The following LRRFIP1 variants were observed in gnomAD, a reference collection of about 807,000 sequenced individuals.
LRRFIP1 encodes the protein LRR binding FLII interacting protein 1.
Under a neutral mutation model 104.4 loss-of-function variants are expected in LRRFIP1, and 62 were observed. The observed-to-expected ratio is 0.59, with a 90% CI of 0.48 to 0.73. The LOEUF is 0.73. LRRFIP1 is among the 30% of genes least tolerant of loss of function. LRRFIP1 has a pLI of 0.00. For synonymous variants in LRRFIP1, 300 were observed against 299.0 expected (o/e 1.00, Z -0.03); for missense variants, 796 against 824.5 (o/e 0.97, Z 0.42).
At chr2:237,774,225 A>G in intron 22 of LRRFIP1, 133 bp from the exon 23 acceptor site, 1 of 641,266 alleles carries the variant, frequency 1.6e-6, no homozygotes, top group Non-Finnish European at 2.8e-6. Context: ...ACCATAGTCC[A>G]AAATGTTATA....
At chr2:237,733,203 C>T (rs572745416) in intron 8 of LRRFIP1, among the ~76,000 whole-genome samples, 20 of 152,328 alleles carry the variant, frequency 1.3e-4, no homozygotes, top group African/African-American at 4.1e-4. Flanking sequence ...CTCCCCCTGA[C>T]GTGTGTGCTA....
intron 20 of LRRFIP1, among the ~76,000 whole-genome samples, chr2:237,771,538 G>A (rs1407198061): frequency 6.9e-6 from 1 of 145,810 alleles, no homozygotes; most frequent in Non-Finnish European, 1.5e-5. Flanking sequence ...TGTCTGAGGG[G>A]TCCTGGAACC....
At chr2:237,658,866 G>A (rs1364703726) in intron 1 of LRRFIP1, among the ~76,000 whole-genome samples, 9 of 152,150 alleles carry the variant, frequency 5.9e-5, no homozygotes, top group Non-Finnish European at 1.2e-4. Context: ...GATGAGATTT[G>A]GGTGGGGACA....
rs3739037 is a variant in LRRFIP1 at position 237,766,361 on chromosome 2, G to C, written c.1460-3582G>C. 0.044 allele frequency among the ~76,000 whole-genome samples: 6,762 copies of C among 152,150 alleles called. 390 individuals carry two copies. The highest frequency in any genetic ancestry group is 0.14 in the African/African-American group (5,665 of 41,472). On this transcript the variant is annotated intron_variant, in intron 19 of 23. Coordinates refer to ENST00000308482, the MANE Select transcript of LRRFIP1 (RefSeq NM_001137550.2). This position sits in a 1 kb window ranked among gnomAD's most constrained non-coding sequence, Gnocchi z 4.8. ...CAAGGGCTCTATAGGACTTCACAGG[G>C]TTTTAGTTTATGTCTCTAACTTTAG...
intron 1 of LRRFIP1, among the ~76,000 whole-genome samples, chr2:237,680,982 A>G (rs974991178): frequency 2.6e-5 from 4 of 152,224 alleles, no homozygotes; most frequent in Admixed American, 6.5e-5. Flanking sequence ...CCCTGTGTCA[A>G]AAACAACAAC....
intron 1 of LRRFIP1, among the ~76,000 whole-genome samples, chr2:237,640,128 TG>T (rs1293491560): frequency 6.6e-6 from 1 of 152,186 alleles, no homozygotes; most frequent in African/African-American, 2.4e-5. Context: ...ATTACATTCT[TG>T]GCGTTTCCTG....
intron 1 of LRRFIP1, among the ~76,000 whole-genome samples, chr2:237,671,372 T>C (rs1167420457): frequency 6.6e-6 from 1 of 152,184 alleles, no homozygotes; most frequent in African/African-American, 2.4e-5. Flanking sequence ...ATCCCACAAA[T>C]GCTAATTTGC....
chr2:237,754,268 G>A (rs1004263803), intron 15 of LRRFIP1, among the ~76,000 whole-genome samples: 3 of 152,192 alleles, frequency 2.0e-5, no homozygotes, highest in Admixed American at 6.5e-5. Context: ...AAAAGACACA[G>A]TTACTCTACT....
chr2:237,723,516 G>GT (rs139854949), intron 6 of LRRFIP1, 32 bp from the exon 7 acceptor site: 75,670 of 987,354 alleles, frequency 0.077, no homozygotes, highest in South Asian at 0.098. Context: ...CTTTGCTGTT[G>GT]TTTTTTTTTT....
intron 6 of LRRFIP1, among the ~76,000 whole-genome samples, chr2:237,723,141 G>A (rs1483621761): frequency 6.6e-6 from 1 of 152,114 alleles, no homozygotes; most frequent in East Asian, 1.9e-4. Context: ...AGAAAGTCTA[G>A]ATTTTGGATT....
chr2:237,767,175 C>CA lies in LRRFIP1; in HGVS notation c.1460-2759dup, dbSNP rs559639853. ...TGGGTGATGGAGTGAAACCCTGTCT[C>CA]AAAAAAAAAGAAAGAAAAGAAAAAG... On this transcript the variant is annotated intron_variant, in intron 19 of 23. Transcript: ENST00000308482. Among the ~76,000 whole-genome samples, 509 of 147,942 alleles carry CA rather than the reference C, an allele frequency of 3.4e-3. 3 individuals carry two copies. Among genetic ancestry groups the CA allele is most frequent in the African/African-American group, 0.011 (422 of 40,170 alleles).
chr2:237,771,169 G>A (rs1258006516), intron 20 of LRRFIP1, among the ~76,000 whole-genome samples: 5 of 152,022 alleles, frequency 3.3e-5, no homozygotes, highest in Admixed American at 6.5e-5. Context: ...AAAAGCCCCC[G>A]GAGACCCCAC....
intron 1 of LRRFIP1, among the ~76,000 whole-genome samples, chr2:237,685,373 C>T (rs1575463188): frequency 6.6e-6 from 1 of 152,218 alleles, no homozygotes; most frequent in East Asian, 1.9e-4. Flanking sequence ...TTAAGTATGC[C>T]TCAGAGTGTA....
At chr2:237,736,946 C>T (rs372863932) in intron 10 of LRRFIP1, among the ~76,000 whole-genome samples, 4 of 152,310 alleles carry the variant, frequency 2.6e-5, no homozygotes, top group African/African-American at 9.6e-5. Flanking sequence ...CCCCTGCTCT[C>T]GGTCCAGCGT....
intron 1 of LRRFIP1, among the ~76,000 whole-genome samples, chr2:237,642,221 C>A (rs968543717): frequency 2.0e-5 from 3 of 152,208 alleles, no homozygotes; most frequent in Non-Finnish European, 4.4e-5. Context: ...GGCCAAGGAC[C>A]GCGTGTGTGC....
chr2:237,694,416 AT>A (rs2093025513), intron 1 of LRRFIP1, among the ~76,000 whole-genome samples: 1 of 151,106 alleles, frequency 6.6e-6, no homozygotes, highest in Non-Finnish European at 1.5e-5. Flanking sequence ...TAAGAGGCTA[AT>A]GTTCAGGTAG....
At chr2:237,770,155 A>T in intron 20 of LRRFIP1, 163 bp downstream of exon 20, 1 of 616,922 alleles carries the variant, frequency 1.6e-6, no homozygotes, top group South Asian at 2.0e-5. Flanking sequence ...ATAGAACATC[A>T]AAGTTAATAT....
intron 8 of LRRFIP1, among the ~76,000 whole-genome samples, chr2:237,729,380 G>A (rs991293530): frequency 5.9e-5 from 9 of 152,348 alleles, no homozygotes; most frequent in African/African-American, 2.2e-4. Context: ...GCTATAGCCC[G>A]CAGGCGGGCT....
rs761214221 is a variant in LRRFIP1 at position 237,772,951 on chromosome 2, TGTAAGCAACAACGG to T, written c.1707+8_1707+21del. 5 of 1,608,080 alleles carry T rather than the reference TGTAAGCAACAACGG, an allele frequency of 3.1e-6. No individual in the cohort carries two copies. Among genetic ancestry groups the T allele is most frequent in the Non-Finnish European group, 4.3e-6 (5 of 1,174,524 alleles). ...TAACTGCATTAGAACAAAATGTACG[TGTAAGCAACAACGG>T]GCAGAACTGATGATTGACTGGAGTT... On this transcript the variant is annotated splice_region_variant and intron_variant, in intron 22 of 23. Coordinates refer to ENST00000308482, the MANE Select transcript of LRRFIP1 (RefSeq NM_001137550.2).
Sources: gnomAD v4.1 joint callset for allele counts (sites outside exome capture counted in the v4.1 genomes callset) on GRCh38, gnomAD v4.1.1 for gene constraint, Gnocchi (gnomAD v3.1) non-coding constraint, MANE v1.5 for transcripts, NCBI Gene and HGNC (gene_info 2026-07-23, HGNC 2026-07-21) for gene names.